The following NBEA variants were observed in gnomAD, a reference collection of about 807,000 sequenced individuals.
NBEA encodes the protein lysosomal-trafficking regulator 2.
A neutral mutation model predicts 343.4 loss-of-function variants in NBEA; 44 were observed. The ratio of observed to expected loss-of-function variants is 0.13; its 90% confidence interval spans 0.10 to 0.16. NBEA has a LOEUF of 0.16. Among genes scored for constraint, NBEA ranks in the 10% least tolerant of loss-of-function variants. The pLI, the probability that NBEA is intolerant of heterozygous loss-of-function variation, is 1.00. For synonymous variants in NBEA, 1,175 were observed against 1,238.7 expected (o/e 0.95, Z 1.08); for missense variants, 2,555 against 3,631.3 (o/e 0.70, Z 7.62).
In NBEA at chr13:35,159,244, C is replaced by A; in HGVS notation, c.3073C>A (p.Arg1025=). Residue 1025 remains arginine, a synonymous_variant, in exon 22 of 59, where the codon CGA becomes AGA. Transcript: ENST00000379939. ...ETDYPVSTDT[R]DLLMSTKVSD... ...CGATTACCCTGTCAGCACAGATACT[C>A]GAGACTTACTCATGTCAACAAAAGT... 1 of 1,613,464 alleles carries A rather than the reference C, an allele frequency of 6.2e-7. No homozygotes were observed.
At chr13:35,346,351 ATCTCT>A (rs2152860791) in intron 36 of NBEA, among the ~76,000 whole-genome samples, 1 of 152,224 alleles carries the variant, frequency 6.6e-6, no homozygotes, top group South Asian at 2.1e-4. Context: ...CTAATATCAC[ATCTCT>A]TCTCTCTTTT....
In NBEA at chr13:35,661,320, C is replaced by T. The variant is rs2085080786; in HGVS notation, c.8363-3765C>T. Among the ~76,000 whole-genome samples, 3 of 152,212 alleles carry T rather than the reference C, an allele frequency of 2.0e-5. No homozygotes were observed. The South Asian group carries it at 6.2e-4, about 32-fold the overall frequency. On this transcript the variant is annotated intron_variant, in intron 55 of 58. Coordinates refer to ENST00000379939, the MANE Select transcript of NBEA (RefSeq NM_001385012.1). Reference sequence around the variant, plus strand: ...TAATGTACTGTGACCTAGATCTGGGCTCAGGACTTCAAGAGAAGAGGTTGT... The same window carrying T: ...TAATGTACTGTGACCTAGATCTGGGTTCAGGACTTCAAGAGAAGAGGTTGT...
chr13:35,555,672 A>T (rs556590928), intron 44 of NBEA, among the ~76,000 whole-genome samples: 1 of 152,204 alleles, frequency 6.6e-6, no homozygotes, highest in African/African-American at 2.4e-5. Flanking sequence ...CAGTGGTTAA[A>T]CATGTCTATG....
At chr13:35,034,766 T>C (rs2062376835) in intron 1 of NBEA, among the ~76,000 whole-genome samples, 1 of 151,934 alleles carries the variant, frequency 6.6e-6, no homozygotes, top group South Asian at 2.1e-4. Flanking sequence ...TTGGTACTTG[T>C]ATGTGTGGAG....
At chr13:35,003,110 T>G (rs2061200197) in intron 1 of NBEA, among the ~76,000 whole-genome samples, 1 of 152,130 alleles carries the variant, frequency 6.6e-6, no homozygotes, top group African/African-American at 2.4e-5. Flanking sequence ...ATAGAAAAAC[T>G]TGAATCAACA....
intron 41 of NBEA, among the ~76,000 whole-genome samples, chr13:35,497,910 T>C (rs1724471790): frequency 6.6e-6 from 1 of 152,078 alleles, no homozygotes; most frequent in Admixed American, 6.6e-5. Flanking sequence ...ACATTCTTTG[T>C]AATATTGGCT....
At chr13:34,975,124 C>A (rs1334581618) in intron 1 of NBEA, among the ~76,000 whole-genome samples, 2 of 152,176 alleles carry the variant, frequency 1.3e-5, no homozygotes, top group African/African-American at 4.8e-5. Context: ...AAGCCTTTTA[C>A]TGGTTTTCTT....
intron 10 of NBEA, among the ~76,000 whole-genome samples, chr13:35,095,811 A>G (rs754280223): frequency 3.3e-5 from 5 of 151,974 alleles, no homozygotes; most frequent in Non-Finnish European, 7.4e-5. Flanking sequence ...AGGTATTGCT[A>G]TACTTTTCAA....
chr13:35,197,744 C>T (rs1054747398), intron 31 of NBEA, among the ~76,000 whole-genome samples: 8 of 152,166 alleles, frequency 5.3e-5, no homozygotes, highest in Admixed American at 6.5e-5. Context: ...TCATGATCCA[C>T]CCGCCTTTGC....
intron 10 of NBEA, among the ~76,000 whole-genome samples, chr13:35,095,486 A>G (rs931144717): frequency 1.8e-4 from 27 of 151,586 alleles, no homozygotes; most frequent in African/African-American, 6.5e-4. Context: ...TATTTCTTTC[A>G]TTTTTTTCCC....
intron 30 of NBEA, among the ~76,000 whole-genome samples, chr13:35,189,394 G>A (rs995637422): frequency 2.0e-5 from 3 of 151,926 alleles, no homozygotes; most frequent in South Asian, 4.1e-4. Flanking sequence ...TATTTGTTTT[G>A]TTGCTGTTGA....
Position 35,225,264 on chromosome 13 carries a change from A to G in NBEA, c.5649-7228A>G, listed in dbSNP as rs1348213355. 3.3e-5 allele frequency among the ~76,000 whole-genome samples: 5 copies of G among 152,086 alleles called. 1 individual carries two copies. The highest frequency in any genetic ancestry group is 1.3e-4 in the Admixed American group (2 of 15,250). On this transcript the variant is annotated intron_variant, in intron 33 of 58. Transcript: ENST00000379939. ...TTTCAGTGATTTTATGTATTTCTAC[A>G]TGATTGGGGATCTGTAAATTTCAGG...
chr13:35,308,472 A>ATGTATATATATATGTGTATATATATG (rs2037084255), intron 35 of NBEA, among the ~76,000 whole-genome samples: 8 of 98,438 alleles, frequency 8.1e-5, no homozygotes, highest in African/African-American at 3.4e-4. Flanking sequence ...ATATATATAT[A>ATGTATATATATATGTGTATATATATG]TGTATATATA....
intron 44 of NBEA, among the ~76,000 whole-genome samples, chr13:35,563,718 A>T (rs2079994379): frequency 6.6e-6 from 1 of 151,842 alleles, no homozygotes; most frequent in African/African-American, 2.4e-5. Flanking sequence ...TTTTCAAAGG[A>T]CCTCTCAAAG....
At chr13:35,072,107 A>C (rs1321816560) in intron 10 of NBEA, among the ~76,000 whole-genome samples, 1 of 152,108 alleles carries the variant, frequency 6.6e-6, no homozygotes, top group African/African-American at 2.4e-5. Flanking sequence ...CCTTTATTTA[A>C]ATTCAAAATG....
Position 35,454,854 on chromosome 13 carries a change from C to T in NBEA, c.6448+2619C>T, listed in dbSNP as rs181944062. On this transcript the variant is annotated intron_variant, in intron 40 of 58. Transcript: ENST00000379939. ...CAGCCTGGGCGACAGAATGAGACTC[C>T]GTCTCAACAAAATAAATAAAAAATA... Among the ~76,000 whole-genome samples the T allele has an allele frequency of 2.2e-3, 326 of 151,308 alleles. 1 individual carries two copies. The highest frequency in any genetic ancestry group is 3.8e-3 in the Non-Finnish European group (259 of 67,886).
At chr13:35,189,993 G>C (rs1381679239) in intron 30 of NBEA, among the ~76,000 whole-genome samples, 1 of 152,200 alleles carries the variant, frequency 6.6e-6, no homozygotes, top group East Asian at 1.9e-4. Context: ...CCAGACACCA[G>C]TGGTAGTTTT....
chr13:35,597,383 CTT>C (rs1375862879), intron 47 of NBEA, among the ~76,000 whole-genome samples: 1 of 152,080 alleles, frequency 6.6e-6, no homozygotes, highest in East Asian at 1.9e-4. Flanking sequence ...ACTACTTAGA[CTT>C]TTTCCTTAAA....
chr13:35,649,553 C>T (rs767219639), intron 51 of NBEA, 102 bp from the exon 52 acceptor site: 2 of 955,214 alleles, frequency 2.1e-6, no homozygotes, highest in African/African-American at 1.6e-5. Context: ...CTTGTGTGTG[C>T]TCGTGCTAGC....
Sources: allele counts gnomAD v4.1 joint callset (sites outside exome capture counted in the v4.1 genomes callset), GRCh38; gene constraint gnomAD v4.1.1; transcripts MANE v1.5; gene names NCBI Gene and HGNC (gene_info 2026-07-23, HGNC 2026-07-21).